CUBN: variants seen among roughly 807,000 people sequenced by gnomAD.
CUBN encodes the protein 460 kDa receptor.
Under a neutral mutation model 405.3 loss-of-function variants are expected in CUBN, and 282 were observed. That is an observed-to-expected ratio of 0.70 (90% CI 0.63 to 0.77). The LOEUF is 0.77. Ranked by LOEUF, CUBN falls within the 30% of genes least tolerant of loss-of-function variation. The probability of loss-of-function intolerance (pLI) is 0.00; values close to 1 mark genes in which losing one functional copy is unlikely to be tolerated. For missense variants in CUBN, 4,514 were observed against 4,475.2 expected (o/e 1.01, Z -0.25); for synonymous variants, 1,684 against 1,617.0 (o/e 1.04, Z -0.99).
At chr10:16,963,710 G>T (rs1325240531) in intron 31 of CUBN, among the ~76,000 whole-genome samples, 1 of 152,140 alleles carries the variant, frequency 6.6e-6, no homozygotes, top group African/African-American at 2.4e-5. Flanking sequence ...AAAATAGAAT[G>T]TGTAGTGACT....
intron 28 of CUBN, among the ~76,000 whole-genome samples, chr10:17,011,633 A>G (rs1834190253): frequency 6.6e-6 from 1 of 152,068 alleles, no homozygotes; most frequent in Non-Finnish European, 1.5e-5. Context: ...GCCAGCTTTT[A>G]TTCCCTTATT....
intron 66 of CUBN, 142 bp from the exon 67 acceptor site, chr10:16,825,224 C>T: frequency 1.6e-6 from 1 of 641,042 alleles, no homozygotes; most frequent in Non-Finnish European, 2.8e-6. Context: ...TTGAAGTAAC[C>T]TTGCAAAGAA....
At chr10:17,028,382 C>T (rs980895499) in intron 27 of CUBN, among the ~76,000 whole-genome samples, 4 of 151,834 alleles carry the variant, frequency 2.6e-5, no homozygotes, top group Non-Finnish European at 4.4e-5. Context: ...GACTGCCATC[C>T]GGGCTCTCCC....
chr10:16,888,330 G>T, intron 56 of CUBN, 87 bp downstream of exon 56: 1 of 1,056,804 alleles, frequency 9.5e-7, no homozygotes, highest in Non-Finnish European at 1.4e-6. Flanking sequence ...TCTACAACAT[G>T]TACATATGTC....
intron 8 of CUBN, among the ~76,000 whole-genome samples, chr10:17,111,368 A>G (rs566793387): frequency 6.6e-6 from 1 of 152,268 alleles, no homozygotes; most frequent in Non-Finnish European, 1.5e-5. Flanking sequence ...ATTAAAACTC[A>G]GCCTATTGTG....
intron 60 of CUBN, among the ~76,000 whole-genome samples, chr10:16,844,969 T>C (rs186538760): frequency 6.3e-4 from 96 of 152,328 alleles, no homozygotes; most frequent in African/African-American, 2.1e-3. Context: ...GGAGCTTGAA[T>C]TACGTTCTAA....
chr10:16,877,088 GCGGAA>G lies in CUBN; in HGVS notation c.8910_8914del (p.Ser2971CysfsTer30). On this transcript the variant is annotated frameshift_variant, in exon 57 of 67. Transcript: ENST00000377833. LOFTEE classifies it high-confidence loss of function. ...ATCGTTGACACAGCTTCCCGTCACA[GCGGAA>G]CGAGCTGGAAAAGGCATGGAACAAC... 1 of 1,613,488 alleles carries G rather than the reference GCGGAA, an allele frequency of 6.2e-7. No individual in the cohort carries two copies. The highest frequency in any genetic ancestry group is 8.5e-7 in the Non-Finnish European group (1 of 1,179,712).
Position 16,876,997 on chromosome 10 carries a change from C to G in CUBN, c.9006G>C (p.Glu3002Asp). 6.2e-7 allele frequency: 1 copy of G among 1,614,124 alleles called. No individual in the cohort carries two copies. Among genetic ancestry groups the G allele is most frequent in the Non-Finnish European group, 8.5e-7 (1 of 1,180,018 alleles). ...STPFATVCGD[E>D]MPAPLTIAGP... The stretch of plus-strand genomic sequence containing the variant: ...CAGCGATGGTGAGGGGAGCTGGCAT[C>G]TCATCCCCACACACAGTAGCAAATG... The change falls in exon 57 of 67, where the codon GAG (glutamate) becomes GAC (aspartate). Residue 3002 changes from glutamate to aspartate, a missense_variant. Coordinates refer to ENST00000377833, the MANE Select transcript of CUBN (RefSeq NM_001081.4).
At chr10:16,903,726 G>A (rs952608342) in intron 51 of CUBN, among the ~76,000 whole-genome samples, 1 of 146,988 alleles carries the variant, frequency 6.8e-6, no homozygotes, top group Non-Finnish European at 1.5e-5. Flanking sequence ...TTAAAATTAT[G>A]CAGTTTATTA....
At position 17,126,749 on chromosome 10, in the gene CUBN, C is replaced by T; in HGVS notation, c.387+12G>A. On this transcript the variant is annotated intron_variant, in intron 4 of 66. Coordinates refer to ENST00000377833, the MANE Select transcript of CUBN (RefSeq NM_001081.4). ...TGTGAAAGATTTGGGTATGTAGTAG[C>T]ATGAGACCTACCTGCTGCAAGCCTT... The T allele has an allele frequency of 6.2e-7, 1 of 1,613,990 alleles. No individual in the cohort carries two copies. The highest frequency in any genetic ancestry group is 1.7e-5 in the Admixed American group (1 of 60,030).
intron 14 of CUBN, among the ~76,000 whole-genome samples, chr10:17,089,359 A>G (rs1413587400): frequency 1.3e-5 from 2 of 152,262 alleles, no homozygotes; most frequent in Non-Finnish European, 2.9e-5. Flanking sequence ...AAAGGAAAAG[A>G]TTAATGACAA....
Position 16,959,778 on chromosome 10 carries a change from A to T in CUBN, c.4696-5230T>A, listed in dbSNP as rs568711062. Among the ~76,000 whole-genome samples the T allele has an allele frequency of 2.0e-5, 3 of 152,336 alleles. No individual in the cohort carries two copies. In the South Asian group the frequency reaches 6.2e-4, roughly 32 times the overall value. On this transcript the variant is annotated intron_variant, in intron 31 of 66. Transcript: ENST00000377833. ...CATAAAAATTATCGATATGAATTTC[A>T]CCTTAACTTCCATTTAGTTCCCAAG...
rs1406626246 is a variant in CUBN, at chr10:16,836,260, T to G, written c.10155A>C (p.Arg3385Ser). 1 of 1,613,860 alleles carries G rather than the reference T, an allele frequency of 6.2e-7. No homozygotes were observed. Among genetic ancestry groups the G allele is most frequent in the South Asian group, 1.1e-5 (1 of 91,082 alleles). ...CTGCAATCTGATAGGTGAAACTCAT[T>G]CTAGAGTTTCTGTTTACAACTCCAG... is the stretch of plus-strand genomic sequence containing the variant. Reference protein sequence around the residue: ...FKSGVVNRNSRMSFTYQIADC... With the variant: ...FKSGVVNRNSSMSFTYQIADC... Residue 3385 changes from arginine to serine, a missense_variant, in exon 63 of 67, where the codon AGA (arginine) becomes AGC (serine). Physicochemically the swap from Arg to Ser is moderately radical, Grantham distance 110. Around this residue, in one of 5 missense-constraint regions of CUBN, gnomAD observed 1,186 missense variants for 1,186.9 expected, o/e 1.00. Transcript: ENST00000377833.
intron 22 of CUBN, among the ~76,000 whole-genome samples, chr10:17,053,716 G>A (rs924120338): frequency 9.9e-5 from 15 of 152,182 alleles, no homozygotes; most frequent in South Asian, 2.1e-4. Flanking sequence ...ACACTCAGCC[G>A]ACTTAAAGCC....
chr10:17,088,793 T>C (rs1482560794), intron 14 of CUBN, among the ~76,000 whole-genome samples: 1 of 152,196 alleles, frequency 6.6e-6, no homozygotes, highest in Non-Finnish European at 1.5e-5. Flanking sequence ...TTTGAGAAGG[T>C]TTCTTAATAC....
At chr10:16,828,292 G>GT (rs1375363698) in intron 66 of CUBN, among the ~76,000 whole-genome samples, 3 of 152,124 alleles carry the variant, frequency 2.0e-5, no homozygotes, top group Non-Finnish European at 4.4e-5. Context: ...GCTGATTTTT[G>GT]TAACTCTTAA....
At position 16,954,412 on chromosome 10, in the gene CUBN, C is replaced by G; in HGVS notation, c.4832G>C (p.Gly1611Ala). The G allele has an allele frequency of 1.9e-6, 3 of 1,614,108 alleles. No individual in the cohort carries two copies. The highest frequency in any genetic ancestry group is 2.5e-6 in the Non-Finnish European group (3 of 1,180,020). The change falls in exon 32 of 67, where the codon GGC becomes GCC. Residue 1611 changes from glycine (G) to alanine (A), a missense_variant. Physicochemically the swap from Gly to Ala is moderately conservative, Grantham distance 60. This residue lies in a region of CUBN where 1,613 missense variants were observed against 1,542.8 expected (regional missense o/e 1.05). Transcript: ENST00000377833. The part of the protein sequence containing the change: ...FQSGPSRQNR[G>A]FRAQFRQACG... Reference sequence around the variant, plus strand: ...GCCTTGCCTGAATTGAGCTCGGAAGCCTCTGTTCTGTCTGGAAGGGCCAGA... The same window carrying G: ...GCCTTGCCTGAATTGAGCTCGGAAGGCTCTGTTCTGTCTGGAAGGGCCAGA...
At chr10:17,057,921 G>A (rs925213181) in intron 22 of CUBN, among the ~76,000 whole-genome samples, 1 of 152,052 alleles carries the variant, frequency 6.6e-6, no homozygotes, top group Non-Finnish European at 1.5e-5. Context: ...AGGAGTTCAA[G>A]ACCAGCCTGG....
chr10:17,078,991 C>T (rs1835912795), intron 17 of CUBN, among the ~76,000 whole-genome samples: 1 of 152,142 alleles, frequency 6.6e-6, no homozygotes, highest in Admixed American at 6.5e-5. Flanking sequence ...GTATTCTCTA[C>T]AAGTTCTCAC....
Sources: allele counts gnomAD v4.1 joint callset (sites outside exome capture counted in the v4.1 genomes callset), GRCh38; gene constraint gnomAD v4.1.1; regional missense constraint gnomAD v4.1.1; transcripts MANE v1.5; gene names NCBI Gene and HGNC (gene_info 2026-07-23, HGNC 2026-07-21).